MGARP: variants seen among roughly 807,000 people sequenced by gnomAD.
MGARP encodes the protein mitochondria localized glutamic acid rich protein.
In MGARP, 12 loss-of-function variants were observed where a neutral mutation model predicts 11.0. That is an observed-to-expected ratio of 1.09 (90% CI 0.70 to 1.77). MGARP has a LOEUF of 1.77. Ranked by LOEUF, MGARP falls within the 40% of genes most tolerant of loss-of-function variation. The pLI is 0.00. For synonymous variants in MGARP, 110 were observed against 115.4 expected (o/e 0.95, Z 0.30); for missense variants, 283 against 297.8 (o/e 0.95, Z 0.36).
intron 1 of MGARP, among the ~76,000 whole-genome samples, chr4:139,277,929 A>C (rs939194301): frequency 1.3e-5 from 2 of 152,180 alleles, no homozygotes; most frequent in Non-Finnish European, 2.9e-5. Context: ...TTATTCATTA[A>C]AAAGTTACCC....
chr4:139,279,852 T>G (rs1313581478), intron 1 of MGARP, among the ~76,000 whole-genome samples: 3 of 152,206 alleles, frequency 2.0e-5, no homozygotes, highest in Non-Finnish European at 4.4e-5. Flanking sequence ...CGAACCCAGA[T>G]AATCTGGACT....
At chr4:139,279,946 C>A in intron 1 of MGARP, 131 bp downstream of exon 1, 2 of 929,276 alleles carry the variant, frequency 2.2e-6, no homozygotes, top group East Asian at 5.2e-5. Flanking sequence ...CCAGTCTCCT[C>A]GACCTCCAAT....
At chr4:139,278,956 A>C (rs1317235244) in intron 1 of MGARP, among the ~76,000 whole-genome samples, 3 of 152,026 alleles carry the variant, frequency 2.0e-5, no homozygotes, top group Non-Finnish European at 4.4e-5. Context: ...CAGAGGCCTA[A>C]TCAACGTGAA....
rs756278375 is a variant in MGARP, at chr4:139,275,274, T to C, written c.186+15A>G. 1.9e-6 allele frequency: 3 copies of C among 1,599,364 alleles called. No individual in the cohort carries two copies. The African/African-American group carries it at 4.0e-5, about 21-fold the overall frequency. ...TACATGAATTCTTGAGCACTGTGGT[T>C]ATATAATCACTTACATAATATCCAC... is the stretch of plus-strand genomic sequence containing the variant. On this transcript the variant is annotated intron_variant, in intron 2 of 3. Transcript: ENST00000398955.
intron 1 of MGARP, among the ~76,000 whole-genome samples, chr4:139,278,227 C>T (rs1264820599): frequency 6.6e-6 from 1 of 151,670 alleles, no homozygotes; most frequent in Non-Finnish European, 1.5e-5. Context: ...AACTCTGTCT[C>T]AAAAAAATAA....
In MGARP at chr4:139,273,495, C is replaced by T. The variant is rs532414488; in HGVS notation, c.186+1794G>A. On this transcript the variant is annotated intron_variant, in intron 2 of 3. Transcript: ENST00000398955. Reference sequence around the variant, plus strand: ...TGCTGGGATTACAGGCATGAGCCACCGCATTACTTTTATTCTTTTTTTTTT... The same window carrying T: ...TGCTGGGATTACAGGCATGAGCCACTGCATTACTTTTATTCTTTTTTTTTT... 7.9e-5 allele frequency among the ~76,000 whole-genome samples: 12 copies of T among 151,312 alleles called. 1 individual carries two copies. In the South Asian group the frequency reaches 1.9e-3, roughly 24 times the overall value.
At chr4:139,276,244 G>T (rs546708763) in intron 1 of MGARP, among the ~76,000 whole-genome samples, 3 of 152,278 alleles carry the variant, frequency 2.0e-5, no homozygotes, top group East Asian at 3.9e-4. Context: ...ATTGTTAGAA[G>T]CATTAAGAAT....
At chr4:139,272,933 A>T (rs1338916358) in intron 2 of MGARP, among the ~76,000 whole-genome samples, 2 of 151,658 alleles carry the variant, frequency 1.3e-5, no homozygotes, top group Non-Finnish European at 2.9e-5. Flanking sequence ...TGATCCACCC[A>T]CCTTGGCCTC....
chr4:139,275,643 C>T (rs1471325696), intron 1 of MGARP, among the ~76,000 whole-genome samples: 3 of 152,054 alleles, frequency 2.0e-5, no homozygotes, highest in Non-Finnish European at 4.4e-5. Flanking sequence ...GGAAGGGGTG[C>T]AGGTGTGGGT....
intron 1 of MGARP, among the ~76,000 whole-genome samples, chr4:139,277,695 A>T (rs1285604716): frequency 6.6e-6 from 1 of 152,182 alleles, no homozygotes; most frequent in Non-Finnish European, 1.5e-5. Context: ...ATGAGAAAAT[A>T]TTTACAATGT....
In MGARP at chr4:139,266,974, T is replaced by C; in HGVS notation, c.348A>G (p.Glu116=). 1 of 1,614,214 alleles carries C rather than the reference T, an allele frequency of 6.2e-7. No individual in the cohort carries two copies. The part of the protein sequence containing the change: ...SSEAPEELIV[E]AEVVDAEESP... ...TTTCTTCAGCATCTACCACCTCAGCTTCCACTATAAGTTCTTCTGGGGCTT... is the reference window on the plus strand; with the variant it reads ...TTTCTTCAGCATCTACCACCTCAGCCTCCACTATAAGTTCTTCTGGGGCTT... The change falls in exon 4 of 4, where the codon GAA becomes GAG. Residue 116 remains glutamate (E), a synonymous_variant. Coordinates refer to ENST00000398955, the MANE Select transcript of MGARP (RefSeq NM_032623.4).
In MGARP at chr4:139,266,505, GT is replaced by G; in HGVS notation, c.*93del. The G allele has an allele frequency of 8.4e-7, 1 of 1,184,732 alleles. No individual in the cohort carries two copies. Among genetic ancestry groups the G allele is most frequent in the Non-Finnish European group, 1.2e-6 (1 of 866,962 alleles). 73.4% of individuals were successfully genotyped at this position (1,184,732 alleles called of 1,614,324 possible). On this transcript the variant is annotated 3_prime_UTR_variant, in exon 4 of 4. Coordinates refer to ENST00000398955, the MANE Select transcript of MGARP (RefSeq NM_032623.4). ...CCCATTAACGTTTTCTAGAAAATAA[GT>G]CTTTTTTTTTTTAAACTAAGTGTAC...
At chr4:139,273,789 C>T (rs1744824734) in intron 2 of MGARP, among the ~76,000 whole-genome samples, 1 of 152,154 alleles carries the variant, frequency 6.6e-6, no homozygotes, top group African/African-American at 2.4e-5. Flanking sequence ...GCTGAGATTA[C>T]AGGCGTGAGC....
chr4:139,277,497 A>AT (rs2110734547), intron 1 of MGARP, among the ~76,000 whole-genome samples: 2 of 152,304 alleles, frequency 1.3e-5, no homozygotes, highest in East Asian at 1.9e-4. Context: ...TATCAGAAAT[A>AT]TTTTTTAAAT....
chr4:139,266,591 G>T lies in MGARP; in HGVS notation c.*8C>A, dbSNP rs1315426912. On this transcript the variant is annotated 3_prime_UTR_variant, in exon 4 of 4. Transcript: ENST00000398955. ...GCATTTGTTGCTGAAATGTCTACCG[G>T]CTGGAGATTAGCCTTGAGCCGAAGC... is the stretch of plus-strand genomic sequence containing the variant. 6 of 1,607,886 alleles carry T rather than the reference G, an allele frequency of 3.7e-6. No individual in the cohort carries two copies. In the African/African-American group the frequency reaches 4.0e-5, roughly 11 times the overall value.
At chr4:139,267,651 T>C (rs1744717576) in intron 3 of MGARP, among the ~76,000 whole-genome samples, 1 of 152,360 alleles carries the variant, frequency 6.6e-6, no homozygotes, top group Admixed American at 6.5e-5. Flanking sequence ...AAATGCTTAT[T>C]AGTATTATAA....
Position 139,266,665 on chromosome 4 carries a change from G to A in MGARP, c.657C>T (p.Ser219=). 5 of 1,614,118 alleles carry A rather than the reference G, an allele frequency of 3.1e-6. No homozygotes were observed. Among genetic ancestry groups the A allele is most frequent in the South Asian group, 1.1e-5 (1 of 91,070 alleles). ...CCTCCTGTAAATCATCTCCAGCAGA[G>A]GACTCTGACTCAGCTGGAGAATTTT... The part of the protein sequence containing the change: ...EEENSPAESE[S]SAGDDLQEEA... The change falls in exon 4 of 4, where the codon TCC becomes TCT. Residue 219 remains serine (S), a synonymous_variant. Coordinates refer to ENST00000398955, the MANE Select transcript of MGARP (RefSeq NM_032623.4).
At chr4:139,278,577 G>A (rs972768438) in intron 1 of MGARP, among the ~76,000 whole-genome samples, 1 of 152,078 alleles carries the variant, frequency 6.6e-6, no homozygotes, top group African/African-American at 2.4e-5. Flanking sequence ...ACAAAAAAAA[G>A]GTGCGCGTGT....
chr4:139,269,599 C>A (rs2110729844), intron 2 of MGARP, among the ~76,000 whole-genome samples: 1 of 148,394 alleles, frequency 6.7e-6, no homozygotes, highest in Non-Finnish European at 1.5e-5. Context: ...CCATTGCACT[C>A]CACCCTGGGC....
Sources: allele counts gnomAD v4.1 joint callset (sites outside exome capture counted in the v4.1 genomes callset), GRCh38; gene constraint gnomAD v4.1.1; transcripts MANE v1.5; gene names NCBI Gene and HGNC (gene_info 2026-07-23, HGNC 2026-07-21).